Variants in MAPK10 observed in about 807,000 individuals in gnomAD.
The protein encoded by MAPK10 is mitogen-activated protein kinase 10.
MAPK10 carries 25 observed loss-of-function variants against 59.3 expected under a neutral mutation model. The observed-to-expected ratio is 0.42, with a 90% CI of 0.31 to 0.59. MAPK10 has a LOEUF of 0.59. Among genes scored for constraint, MAPK10 ranks in the 20% least tolerant of loss-of-function variants. MAPK10 has a pLI of 0.15. For missense variants in MAPK10, 351 were observed against 568.9 expected (o/e 0.62, Z 3.90); for synonymous variants, 190 against 200.5 (o/e 0.95, Z 0.44).
At chr4:86,434,022 G>A (rs1203351505) in intron 1 of MAPK10, among the ~76,000 whole-genome samples, 1 of 152,144 alleles carries the variant, frequency 6.6e-6, no homozygotes, top group East Asian at 1.9e-4. Context: ...ATGTGACTCA[G>A]AATATAGAGT....
chr4:86,140,814 T>C (rs1238020774), intron 4 of MAPK10, among the ~76,000 whole-genome samples: 2 of 152,140 alleles, frequency 1.3e-5, no homozygotes, highest in African/African-American at 4.8e-5. Flanking sequence ...CGCATAACTA[T>C]TGGCTGCTAG....
rs2148883539 is a variant in MAPK10 at position 86,013,063 on chromosome 4, T to A, written c.*4165A>T. ...GAATATACTGGCCATTGGTCCCACA[T>A]AAGTAAAGTTACATATACAAGATTC... is the stretch of plus-strand genomic sequence containing the variant. On this transcript the variant is annotated 3_prime_UTR_variant, in exon 14 of 14. Coordinates refer to ENST00000641462, the MANE Select transcript of MAPK10 (RefSeq NM_138982.4). 1 of 152,262 alleles carries A rather than the reference T, an allele frequency of 6.6e-6. No individual in the cohort carries two copies. Among genetic ancestry groups the A allele is most frequent in the East Asian group, 1.9e-4 (1 of 5,184 alleles). 9.4% of individuals were successfully genotyped at this position (152,262 alleles called of 1,614,324 possible).
chr4:86,107,138 C>T (rs150843105), intron 5 of MAPK10, 85 bp downstream of exon 5: 27 of 1,064,462 alleles, frequency 2.5e-5, no homozygotes, highest in Middle Eastern at 2.1e-4. Context: ...GCAAAGAAAG[C>T]CTTTCTTACT....
intron 4 of MAPK10, among the ~76,000 whole-genome samples, chr4:86,133,798 C>T (rs1343457689): frequency 2.0e-5 from 3 of 152,110 alleles, no homozygotes; most frequent in East Asian, 1.9e-4. Flanking sequence ...ATAACCCATT[C>T]CAAATCTGAA....
At chr4:86,237,648 T>C (rs895002596) in intron 2 of MAPK10, among the ~76,000 whole-genome samples, 1 of 152,212 alleles carries the variant, frequency 6.6e-6, no homozygotes, top group Non-Finnish European at 1.5e-5. Context: ...GCCACATAAA[T>C]GTCTTCTTTT....
At chr4:86,101,810 A>C (rs1435182275) in intron 7 of MAPK10, 84 bp downstream of exon 7, 1 of 1,397,356 alleles carries the variant, frequency 7.2e-7, no homozygotes, top group Non-Finnish European at 1.0e-6. Flanking sequence ...TATTTGACCA[A>C]TGCCCCCCGT....
chr4:86,016,694 C>A lies in MAPK10; in HGVS notation c.*534G>T. The A allele has an allele frequency of 6.5e-6, 1 of 154,872 alleles. No homozygotes were observed. The highest frequency in any genetic ancestry group is 1.4e-5 in the Non-Finnish European group (1 of 69,600). 9.6% of individuals were successfully genotyped at this position (154,872 alleles called of 1,614,324 possible). A position where few individuals can be genotyped will look rare whatever the true frequency, so the allele number is the denominator to read the frequency against. On this transcript the variant is annotated 3_prime_UTR_variant, in exon 14 of 14. Coordinates refer to ENST00000641462, the MANE Select transcript of MAPK10 (RefSeq NM_138982.4). Reference sequence around the variant, plus strand: ...TCACATGAAATGGACCATGTGGTACCCCAGTGCATTATGTCTTGGTAGAGC... The same window carrying A: ...TCACATGAAATGGACCATGTGGTACACCAGTGCATTATGTCTTGGTAGAGC...
intron 1 of MAPK10, among the ~76,000 whole-genome samples, chr4:86,396,341 T>G (rs985782603): frequency 6.6e-5 from 10 of 152,124 alleles, no homozygotes; most frequent in African/African-American, 2.4e-4. Context: ...TGCGAGACTC[T>G]GTCTCAAAAA....
In MAPK10 at chr4:86,134,676, G is replaced by A. The variant is rs535961208; in HGVS notation, c.236+24622C>T. Among the ~76,000 whole-genome samples, 75 of 152,290 alleles carry A rather than the reference G, an allele frequency of 4.9e-4. 1 individual carries two copies. Among genetic ancestry groups the A allele is most frequent in the South Asian group, 1.2e-3 (6 of 4,824 alleles). On this transcript the variant is annotated intron_variant, in intron 4 of 13. Coordinates refer to ENST00000641462, the MANE Select transcript of MAPK10 (RefSeq NM_138982.4). ...ATTCAAATTAAAGTAAAATTGGGGG[G>A]AGGAGCCAAGATGGCCGAATAGGAA...
intron 1 of MAPK10, among the ~76,000 whole-genome samples, chr4:86,515,885 G>T (rs968988252): frequency 3.5e-5 from 5 of 142,016 alleles, no homozygotes; most frequent in African/African-American, 1.1e-4. Flanking sequence ...TTTTGTTGTT[G>T]TTTTTTTTTT....
intron 1 of MAPK10, among the ~76,000 whole-genome samples, chr4:86,436,603 A>C (rs1197701010): frequency 6.6e-6 from 1 of 152,090 alleles, no homozygotes; most frequent in East Asian, 1.9e-4. Flanking sequence ...TTATATACTG[A>C]CTTTGTACCC....
chr4:86,077,124 AT>A (rs1277227996), intron 9 of MAPK10, among the ~76,000 whole-genome samples: 1 of 152,140 alleles, frequency 6.6e-6, no homozygotes, highest in African/African-American at 2.4e-5. Flanking sequence ...AAGAAGTTCA[AT>A]TTTATAAGTA....
At chr4:86,089,742 T>G (rs983387910) in intron 9 of MAPK10, among the ~76,000 whole-genome samples, 2 of 152,068 alleles carry the variant, frequency 1.3e-5, no homozygotes, top group African/African-American at 4.8e-5. Flanking sequence ...ATAAAACACA[T>G]TTACCCTTAT....
chr4:86,235,790 T>C (rs1459488626), intron 2 of MAPK10, among the ~76,000 whole-genome samples: 2 of 152,212 alleles, frequency 1.3e-5, no homozygotes, highest in Non-Finnish European at 2.9e-5. Flanking sequence ...AACAGTGTGC[T>C]GAGGAGAAGC....
intron 9 of MAPK10, among the ~76,000 whole-genome samples, chr4:86,090,138 A>C (rs182603197): frequency 4.0e-5 from 6 of 151,882 alleles, no homozygotes; most frequent in Admixed American, 3.9e-4. Context: ...AGAAAGTGAA[A>C]TCTCTCTCTT....
At chr4:86,111,329 C>A (rs2057444460) in intron 4 of MAPK10, among the ~76,000 whole-genome samples, 1 of 152,094 alleles carries the variant, frequency 6.6e-6, no homozygotes, top group Non-Finnish European at 1.5e-5. Flanking sequence ...GTGCTTCCAG[C>A]TTTTGCCCAT....
chr4:86,088,317 C>A (rs2052377312), intron 9 of MAPK10, among the ~76,000 whole-genome samples: 1 of 152,146 alleles, frequency 6.6e-6, no homozygotes, highest in South Asian at 2.1e-4. Context: ...GTTGCTGAGA[C>A]TACAGGGACT....
chr4:86,221,612 T>C (rs912597253), intron 2 of MAPK10, among the ~76,000 whole-genome samples: 1 of 152,054 alleles, frequency 6.6e-6, no homozygotes, highest in South Asian at 2.1e-4. Context: ...TCAGCCTCCT[T>C]AGTGGCTGGG....
upstream of MAPK10, among the ~76,000 whole-genome samples, chr4:86,453,709 C>G (rs1750987666): frequency 6.6e-6 from 1 of 151,844 alleles, no homozygotes; most frequent in Non-Finnish European, 1.5e-5. Flanking sequence ...GGGCATATAC[C>G]CTTGGGAGTT....
Sources: allele counts gnomAD v4.1 joint callset (sites outside exome capture counted in the v4.1 genomes callset), GRCh38; gene constraint gnomAD v4.1.1; transcripts MANE v1.5; gene names NCBI Gene and HGNC (gene_info 2026-07-23, HGNC 2026-07-21).